The following PBX1 variants were observed in gnomAD, a reference collection of about 807,000 sequenced individuals.
PBX1 encodes the protein PBX homeobox 1, also known as pre-B-cell leukemia transcription factor 1.
A neutral mutation model predicts 53.4 loss-of-function variants in PBX1; 6 were observed. The ratio of observed to expected loss-of-function variants is 0.11; its 90% CI spans 0.06 to 0.22. The LOEUF is 0.22. Ranked by LOEUF, PBX1 falls within the 10% of genes least tolerant of loss-of-function variation. The pLI, the probability that PBX1 is intolerant of heterozygous loss-of-function variation, is 1.00. For synonymous variants in PBX1, 204 were observed against 212.3 expected, an observed-to-expected ratio of 0.96 and a Z score of 0.34; for missense variants, 251 against 551.4, an observed-to-expected ratio of 0.46 and a Z score of 5.46.
chr1:164,749,209 T>TA (rs1377086793), intron 2 of PBX1, among the ~76,000 whole-genome samples: 1 of 152,246 alleles, frequency 6.6e-6, no homozygotes. Context: ...TTTCAGTTTT[T>TA]AATCTATTTG....
At position 164,803,855 on chromosome 1, in the gene PBX1, T is replaced by C. The variant is rs146942466; in HGVS notation, c.702-3687T>C. On this transcript the variant is annotated intron_variant, in intron 4 of 8. Transcript: ENST00000420696. ...TTCTGGCTACAACCCTGATGACCTA[T>C]ATGACGCTGGATAAGTGGCTTATTT... is the stretch of plus-strand genomic sequence containing the variant. Among the ~76,000 whole-genome samples the C allele has an allele frequency of 3.9e-5, 6 of 152,330 alleles. No individual in the cohort carries two copies. The East Asian group carries it at 1.2e-3, about 29-fold the overall frequency.
chr1:164,707,418 T>TGAGAGAGAGAGA (rs528876002), intron 2 of PBX1, among the ~76,000 whole-genome samples: 6 of 118,214 alleles, frequency 5.1e-5, no homozygotes, highest in African/African-American at 2.3e-4. Context: ...TGTGTGTGTG[T>TGAGAGAGAGAGA]GAGAGAGAGA....
chr1:164,825,907 C>T (rs1670435796), intron 8 of PBX1, among the ~76,000 whole-genome samples: 2 of 143,668 alleles, frequency 1.4e-5, no homozygotes, highest in African/African-American at 2.7e-5. Context: ...GTGCATGTAG[C>T]AACATAACAT....
chr1:164,835,798 C>T (rs1039275061), intron 8 of PBX1, among the ~76,000 whole-genome samples: 4 of 152,114 alleles, frequency 2.6e-5, no homozygotes, highest in South Asian at 4.2e-4. Context: ...AGAGTGAAAG[C>T]TGGATTGTTG....
intron 5 of PBX1, among the ~76,000 whole-genome samples, chr1:164,808,881 T>C (rs1283156772): frequency 6.6e-6 from 1 of 152,182 alleles, no homozygotes; most frequent in African/African-American, 2.4e-5. Context: ...GGGCCTTCCT[T>C]AGGTGCTTTG....
intron 2 of PBX1, among the ~76,000 whole-genome samples, chr1:164,627,933 T>C (rs1658151664): frequency 6.6e-6 from 1 of 152,206 alleles, no homozygotes; most frequent in Non-Finnish European, 1.5e-5. Flanking sequence ...TATTTGAAAC[T>C]AGCAACTGGA....
chr1:164,582,615 G>A (rs1289743678), intron 2 of PBX1, among the ~76,000 whole-genome samples: 1 of 151,978 alleles, frequency 6.6e-6, no homozygotes, highest in African/African-American at 2.4e-5. Context: ...TAGAGATGGG[G>A]TTTCATCATA....
At chr1:164,792,050 C>A (rs1668540209) in intron 2 of PBX1, among the ~76,000 whole-genome samples, 1 of 152,122 alleles carries the variant, frequency 6.6e-6, no homozygotes, top group Non-Finnish European at 1.5e-5. Flanking sequence ...GTCTCGATCT[C>A]CTGACCTCGT....
At chr1:164,788,762 G>A (rs200609854) in intron 2 of PBX1, among the ~76,000 whole-genome samples, 7 of 19,560 alleles carry the variant, frequency 3.6e-4, no homozygotes, top group South Asian at 2.3e-3. Context: ...TCCCCCCCCC[G>A]CCCTTTTCTT....
At chr1:164,758,014 G>C (rs1404515900) in intron 2 of PBX1, among the ~76,000 whole-genome samples, 6 of 152,172 alleles carry the variant, frequency 3.9e-5, no homozygotes, top group African/African-American at 7.2e-5. Context: ...AGATGGAACT[G>C]TGTGTTGGAT....
intron 2 of PBX1, among the ~76,000 whole-genome samples, chr1:164,704,200 G>A (rs1309201761): frequency 6.6e-6 from 1 of 152,028 alleles, no homozygotes; most frequent in Non-Finnish European, 1.5e-5. Context: ...CAGACCAAGG[G>A]GTCTTGTGGG....
intron 2 of PBX1, among the ~76,000 whole-genome samples, chr1:164,870,348 T>G (rs867222103): frequency 1.2e-4 from 13 of 107,198 alleles, no homozygotes; most frequent in African/African-American, 4.8e-4. Context: ...TTTCTTTCTT[T>G]CTTTCTTTCT....
chr1:164,731,522 A>T (rs2102138574), intron 2 of PBX1, among the ~76,000 whole-genome samples: 1 of 152,302 alleles, frequency 6.6e-6, no homozygotes, highest in South Asian at 2.1e-4. Flanking sequence ...AGGGACCAAG[A>T]GGTCCACACT....
intron 2 of PBX1, among the ~76,000 whole-genome samples, chr1:164,771,992 G>T (rs1667396944): frequency 6.6e-6 from 1 of 152,136 alleles, no homozygotes; most frequent in Non-Finnish European, 1.5e-5. Flanking sequence ...ATTCAAGTGT[G>T]GGCCCTACCC....
intron 2 of PBX1, chr1:164,769,305 G>T (rs1667243553): frequency 6.6e-6 from 1 of 152,168 alleles, no homozygotes; most frequent in Non-Finnish European, 1.5e-5. Context: ...CTACAAAGGT[G>T]AGCAGAAGAC....
At chr1:164,834,834 G>A (rs541672182) in intron 8 of PBX1, among the ~76,000 whole-genome samples, 1 of 152,288 alleles carries the variant, frequency 6.6e-6, no homozygotes, top group East Asian at 1.9e-4. Flanking sequence ...CTTCTCTAAT[G>A]ACCTCTGGAG....
intron 2 of PBX1, among the ~76,000 whole-genome samples, chr1:164,786,243 G>A (rs181377802): frequency 7.3e-6 from 1 of 137,236 alleles, no homozygotes; most frequent in Admixed American, 6.8e-5. Flanking sequence ...TTTAGTGTCA[G>A]GGGCCCTGTG....
intron 2 of PBX1, among the ~76,000 whole-genome samples, chr1:164,767,633 G>A (rs1667132642): frequency 6.6e-6 from 1 of 151,554 alleles, no homozygotes; most frequent in East Asian, 1.9e-4. Context: ...GTAAAAGTGG[G>A]AGGTAGTACA....
chr1:164,655,240 A>G (rs958625561), intron 2 of PBX1, among the ~76,000 whole-genome samples: 37 of 151,678 alleles, frequency 2.4e-4, no homozygotes, highest in African/African-American at 9.0e-4. Flanking sequence ...CAGCCTCCCA[A>G]GTAGCTGGGA....
Sources: allele counts gnomAD v4.1 joint callset (sites outside exome capture counted in the v4.1 genomes callset), GRCh38; gene constraint gnomAD v4.1.1; transcripts MANE v1.5; gene names NCBI Gene and HGNC (gene_info 2026-07-23, HGNC 2026-07-21).